Variants in PADI6 observed in about 807,000 individuals in gnomAD.
PADI6 encodes the protein inactive protein-arginine deiminase type-6.
In PADI6, 66 loss-of-function variants were observed where a neutral mutation model predicts 78.2. The ratio of observed to expected loss-of-function variants is 0.84; its 90% CI spans 0.69 to 1.04. The LOEUF (loss-of-function observed/expected upper bound fraction) is 1.04, where lower values mean the gene tolerates loss of function less well. PADI6 is among the 50% of genes least tolerant of loss of function. The pLI, the probability that PADI6 is intolerant of heterozygous loss-of-function variation, is 0.00. For missense variants in PADI6, 854 were observed against 866.1 expected, an observed-to-expected ratio of 0.99 and a Z score of 0.18; for synonymous variants, 397 against 346.9, an observed-to-expected ratio of 1.14 and a Z score of -1.60.
At chr1:17,391,767 A>T (rs1233571431) in intron 8 of PADI6, among the ~76,000 whole-genome samples, 1 of 152,230 alleles carries the variant, frequency 6.6e-6, no homozygotes, top group African/African-American at 2.4e-5. Context: ...GGTGAGTCAG[A>T]TCATGCCACT....
chr1:17,377,632 G>C (rs1391734949), intron 3 of PADI6, among the ~76,000 whole-genome samples: 1 of 152,210 alleles, frequency 6.6e-6, no homozygotes, highest in Non-Finnish European at 1.5e-5. Context: ...CATCCTTCTA[G>C]TGTAAACCTT....
intron 4 of PADI6, among the ~76,000 whole-genome samples, chr1:17,380,463 G>T (rs547395279): frequency 1.3e-5 from 2 of 152,314 alleles, no homozygotes; most frequent in South Asian, 4.1e-4. Flanking sequence ...CATCTCCCAG[G>T]TTCACGCCAT....
Position 17,401,354 on chromosome 1 carries a change from C to T in PADI6, c.2001C>T (p.Tyr667=). The T allele has an allele frequency of 3.1e-6, 5 of 1,614,074 alleles. No individual in the cohort carries two copies. Among genetic ancestry groups the T allele is most frequent in the Non-Finnish European group, 3.4e-6 (4 of 1,179,914 alleles). The change falls in exon 16 of 16, where the codon TAC becomes TAT. Residue 667 remains tyrosine (Y), a synonymous_variant. Transcript: ENST00000619609. Reference sequence around the variant, plus strand: ...CCTTCATCAATGACTTTGACTGTTACCTGACAGAGGTCGGAGACATCTGTG... The same window carrying T: ...CCTTCATCAATGACTTTGACTGTTATCTGACAGAGGTCGGAGACATCTGTG... ...KCTFINDFDC[Y]LTEVGDICAC...
chr1:17,400,585 C>CT (rs1406259000), intron 15 of PADI6, among the ~76,000 whole-genome samples: 1 of 152,168 alleles, frequency 6.6e-6, no homozygotes, highest in Non-Finnish European at 1.5e-5. Flanking sequence ...AAGAGTGGGG[C>CT]TGTGAGTACA....
chr1:17,385,931 C>A (rs1333795609), intron 6 of PADI6, among the ~76,000 whole-genome samples: 1 of 152,168 alleles, frequency 6.6e-6, no homozygotes, highest in African/African-American at 2.4e-5. Flanking sequence ...TTGCTCTGTG[C>A]CCTGAGGATC....
In PADI6 at chr1:17,388,770, G is replaced by A; in HGVS notation, c.859-7G>A. 2 of 1,612,150 alleles carry A rather than the reference G, an allele frequency of 1.2e-6. No individual in the cohort carries two copies. The highest frequency in any genetic ancestry group is 1.1e-5 in the South Asian group (1 of 90,576). ...CAGGTTGCTAACAGGACCTTGTCTT[G>A]TTGCAGTCAATTCCAGAGACTGTGC... On this transcript the variant is annotated splice_polypyrimidine_tract_variant and splice_region_variant and intron_variant, in intron 7 of 15. Coordinates refer to ENST00000619609, the MANE Select transcript of PADI6 (RefSeq NM_207421.4).
rs751795361 is a variant in PADI6 at position 17,401,245 on chromosome 1, A to G, written c.1892A>G (p.Lys631Arg). Residue 631 changes from lysine (K) to arginine (R), a missense_variant, in exon 16 of 16, where the codon AAG (lysine) becomes AGG (arginine). Coordinates refer to ENST00000619609, the MANE Select transcript of PADI6 (RefSeq NM_207421.4). ...ATGGGCAAGAACCTGGGGATCCCCA[A>G]GCCTTTTGGGCCCCAAATCAAGGGG... ...IVMGKNLGIP[K>R]PFGPQIKGTC... 4.3e-6 allele frequency: 7 copies of G among 1,614,064 alleles called. No homozygotes were observed. The highest frequency in any genetic ancestry group is 5.9e-6 in the Non-Finnish European group (7 of 1,179,904).
At chr1:17,387,608 C>T (rs1197692032) in intron 6 of PADI6, among the ~76,000 whole-genome samples, 1 of 151,972 alleles carries the variant, frequency 6.6e-6, no homozygotes, top group African/African-American at 2.4e-5. Flanking sequence ...AAAAATTAGC[C>T]AGGCGTGTGG....
At position 17,382,074 on chromosome 1, in the gene PADI6, A is replaced by G. The variant is rs1274701231; in HGVS notation, c.661A>G (p.Arg221Gly). ...HTSKEESKKARVYWPQKDNSS... is the reference protein window; with the variant it reads ...HTSKEESKKAGVYWPQKDNSS... ...CTCCAAGGAAGAGTCGAAGAAGGCG[A>G]GAGTCTACTGGCCCCAAAGTGAGTG... The change falls in exon 6 of 16, where the codon AGA (arginine) becomes GGA (glycine). Residue 221 changes from arginine (R) to glycine (G), a missense_variant. By Grantham distance (125) the Arg-to-Gly change is moderately radical. Transcript: ENST00000619609. 6.2e-7 allele frequency: 1 copy of G among 1,613,834 alleles called. No individual in the cohort carries two copies. The highest frequency in any genetic ancestry group is 1.3e-5 in the African/African-American group (1 of 74,922).
intron 6 of PADI6, among the ~76,000 whole-genome samples, chr1:17,388,125 T>C (rs2075141147): frequency 6.6e-6 from 1 of 152,230 alleles, no homozygotes; most frequent in Non-Finnish European, 1.5e-5. Flanking sequence ...CATCATCACC[T>C]GAGCTCCAAC....
chr1:17,400,839 G>A (rs147978283), intron 15 of PADI6, among the ~76,000 whole-genome samples: 19 of 152,306 alleles, frequency 1.2e-4, no homozygotes, highest in African/African-American at 4.6e-4. Flanking sequence ...GTAACGGTAA[G>A]AAGCTGCTTT....
At chr1:17,398,870 T>A (rs767148206) in intron 15 of PADI6, 23 bp downstream of exon 15, 1 of 1,609,604 alleles carries the variant, frequency 6.2e-7, no homozygotes, top group East Asian at 2.2e-5. Flanking sequence ...TGCGCATCCC[T>A]GGGTGGGGGA....
chr1:17,393,627 C>G (rs2075214821), intron 9 of PADI6, among the ~76,000 whole-genome samples: 1 of 152,164 alleles, frequency 6.6e-6, no homozygotes, highest in Non-Finnish European at 1.5e-5. Context: ...GCATGAGCCA[C>G]CATGCCTGGC....
At chr1:17,381,261 C>T (rs1167611224) in intron 5 of PADI6, 97 bp downstream of exon 5, 5 of 966,422 alleles carry the variant, frequency 5.2e-6, no homozygotes, top group Non-Finnish European at 1.6e-6. Context: ...CACCCCACCC[C>T]CGACACCCTC....
chr1:17,389,024 G>T, intron 8 of PADI6, 144 bp downstream of exon 8: 2 of 643,762 alleles, frequency 3.1e-6, no homozygotes, highest in Non-Finnish European at 5.4e-6. Flanking sequence ...GTCTGGACCT[G>T]CCCCAAGACA....
chr1:17,399,961 G>C (rs2075285136), intron 15 of PADI6, among the ~76,000 whole-genome samples: 1 of 151,890 alleles, frequency 6.6e-6, no homozygotes, highest in Non-Finnish European at 1.5e-5. Context: ...CTTGAACCCA[G>C]GAGGCAGAGG....
intron 3 of PADI6, among the ~76,000 whole-genome samples, chr1:17,377,528 G>A (rs1229336518): frequency 1.3e-5 from 2 of 152,130 alleles, no homozygotes; most frequent in African/African-American, 2.4e-5. Context: ...TGATCGCTTC[G>A]GTGTCTGACA....
chr1:17,377,702 G>T (rs546160642), intron 3 of PADI6, among the ~76,000 whole-genome samples: 4 of 151,984 alleles, frequency 2.6e-5, no homozygotes. Flanking sequence ...CTGACGTTTC[G>T]CCAGAATCCA....
chr1:17,400,823 G>C (rs930773720), intron 15 of PADI6, among the ~76,000 whole-genome samples: 1 of 152,146 alleles, frequency 6.6e-6, no homozygotes, highest in Admixed American at 6.5e-5. Flanking sequence ...GGTCCGGCAG[G>C]GGTGAGTAAC....
Sources: gnomAD v4.1 joint callset for allele counts (sites outside exome capture counted in the v4.1 genomes callset) on GRCh38, gnomAD v4.1.1 for gene constraint, MANE v1.5 for transcripts, NCBI Gene and HGNC (gene_info 2026-07-23, HGNC 2026-07-21) for gene names.